KCNC2: variants seen among roughly 807,000 people sequenced by gnomAD.
KCNC2 encodes the protein voltage-gated potassium channel KCNC2.
In KCNC2, 21 loss-of-function variants were observed where a neutral mutation model predicts 44.5. The ratio of observed to expected loss-of-function variants is 0.47; its 90% CI spans 0.33 to 0.68. KCNC2 has a LOEUF of 0.68. KCNC2 is among the 30% of genes least tolerant of loss of function. The probability of loss-of-function intolerance (pLI) is 0.01; values close to 1 mark genes in which losing one functional copy is unlikely to be tolerated. For missense variants in KCNC2, 589 were observed against 826.2 expected (o/e 0.71, Z 3.52); for synonymous variants, 391 against 339.1 (o/e 1.15, Z -1.68).
chr12:75,050,526 TC>T lies in KCNC2; in HGVS notation c.1478del (p.Arg493LysfsTer21). The T allele has an allele frequency of 6.2e-7, 1 of 1,613,654 alleles. No homozygotes were observed. Among genetic ancestry groups the T allele is most frequent in the Non-Finnish European group, 8.5e-7 (1 of 1,179,828 alleles). On this transcript the variant is annotated frameshift_variant, in exon 3 of 5. Transcript: ENST00000549446. LOFTEE classifies it high-confidence loss of function. ...GAGGAGCAGGAGGGATGTGCTTCTT[TC>T]TTTTCCTTGGAAGTTTCTGCTTTGC... Reference protein sequence around the residue: ...AMAKQKLPRKRKKHIPPAPQA... With the variant: ...AMAKQKLPRKXKKHIPPAPQA...
rs267603668 is a variant in KCNC2, at chr12:75,048,257, G to C, written c.1676C>G (p.Pro559Arg). ...GTCTCTGGTACTAGAGCGTCTGATG[G>C]GGAGCCTTTCTGGGGGTGATAGTGG... is the stretch of plus-strand genomic sequence containing the variant. ...EPPLSPPERL[P>R]IRRSSTRDKN... The change falls in exon 4 of 5, where the codon CCC becomes CGC. Residue 559 changes from proline to arginine, a missense_variant. Coordinates refer to ENST00000549446, the MANE Select transcript of KCNC2 (RefSeq NM_139137.4). The C allele has an allele frequency of 5.0e-6, 8 of 1,612,894 alleles. No individual in the cohort carries two copies. The highest frequency in any genetic ancestry group is 1.7e-4 in the Middle Eastern group (1 of 6,052).
intron 2 of KCNC2, among the ~76,000 whole-genome samples, chr12:75,110,420 C>T (rs1355898293): frequency 1.3e-5 from 2 of 152,082 alleles, no homozygotes; most frequent in Non-Finnish European, 2.9e-5. Context: ...AAGAACCCAT[C>T]CCCAGATGAG....
chr12:75,192,293 G>C (rs899529123), intron 2 of KCNC2, among the ~76,000 whole-genome samples: 1 of 152,158 alleles, frequency 6.6e-6, no homozygotes, highest in Non-Finnish European at 1.5e-5. Flanking sequence ...TGAAGGCCTC[G>C]TTTCCCTGTA....
At chr12:75,187,527 G>A (rs1296894650) in intron 2 of KCNC2, among the ~76,000 whole-genome samples, 1 of 152,022 alleles carries the variant, frequency 6.6e-6, no homozygotes, top group Non-Finnish European at 1.5e-5. Context: ...TGAATTATGC[G>A]GAGCTTACAG....
At chr12:75,160,693 T>A (rs1592997749) in intron 2 of KCNC2, among the ~76,000 whole-genome samples, 2 of 151,828 alleles carry the variant, frequency 1.3e-5, no homozygotes, top group East Asian at 3.9e-4. Context: ...ATGTTGTGGA[T>A]GTGCATTGAT....
intron 2 of KCNC2, among the ~76,000 whole-genome samples, chr12:75,090,993 T>C (rs1885423915): frequency 6.6e-6 from 1 of 151,760 alleles, no homozygotes; most frequent in South Asian, 2.1e-4. Flanking sequence ...ACCTTCTCAT[T>C]ACCTCTAAAA....
chr12:75,141,953 C>T (rs974737782), intron 2 of KCNC2, among the ~76,000 whole-genome samples: 3 of 152,138 alleles, frequency 2.0e-5, no homozygotes, highest in African/African-American at 7.2e-5. Context: ...AGTATTCACT[C>T]ATTCTGTACT....
At chr12:75,103,871 T>G (rs553296244) in intron 2 of KCNC2, among the ~76,000 whole-genome samples, 2 of 152,320 alleles carry the variant, frequency 1.3e-5, no homozygotes, top group East Asian at 3.9e-4. Context: ...TGAAATGGTC[T>G]CTCTCAAAAT....
intron 2 of KCNC2, among the ~76,000 whole-genome samples, chr12:75,061,795 C>A (rs561614659): frequency 2.0e-3 from 311 of 152,126 alleles, no homozygotes; most frequent in Non-Finnish European, 2.3e-3. Flanking sequence ...AGCAAGCCAT[C>A]ATAACTACAT....
At position 75,040,749 on chromosome 12, in the gene KCNC2, A is replaced by C. The variant is rs200432849; in HGVS notation, c.*2356T>G. 3 of 183,460 alleles carry C rather than the reference A, an allele frequency of 1.6e-5. No homozygotes were observed. The highest frequency in any genetic ancestry group is 3.4e-5 in the Non-Finnish European group (3 of 87,304). The allele number at this position is 183,460 out of a possible 1,614,324, so 11.4% of individuals were successfully genotyped here. On this transcript the variant is annotated 3_prime_UTR_variant, in exon 5 of 5. Coordinates refer to ENST00000549446, the MANE Select transcript of KCNC2 (RefSeq NM_139137.4). ...AGTTCATAGATTCAACCAAAGAAGTAGAAATAAGGGAAATTAAGACAAAAC... is the reference window on the plus strand; with the variant it reads ...AGTTCATAGATTCAACCAAAGAAGTCGAAATAAGGGAAATTAAGACAAAAC...
chr12:75,044,372 T>G (rs1180381183), intron 4 of KCNC2: 11 of 152,094 alleles, frequency 7.2e-5, no homozygotes, highest in African/African-American at 2.6e-4. Flanking sequence ...TTGCCTCCCT[T>G]ACACTATATG....
intron 2 of KCNC2, among the ~76,000 whole-genome samples, chr12:75,122,434 A>G (rs1430873845): frequency 2.6e-5 from 4 of 152,226 alleles, no homozygotes; most frequent in Non-Finnish European, 5.9e-5. Context: ...AAAGCAGCAC[A>G]GAATTGGAGA....
intron 2 of KCNC2, among the ~76,000 whole-genome samples, chr12:75,121,857 A>G (rs1888067367): frequency 6.6e-6 from 1 of 152,170 alleles, no homozygotes; most frequent in African/African-American, 2.4e-5. Flanking sequence ...TACAGAAAAG[A>G]AAAGTGAGGC....
At chr12:75,067,891 A>G (rs1882997607) in intron 2 of KCNC2, among the ~76,000 whole-genome samples, 1 of 151,928 alleles carries the variant, frequency 6.6e-6, no homozygotes, top group Non-Finnish European at 1.5e-5. Context: ...AAAAAAACAT[A>G]CTTTTTTTAT....
At chr12:75,169,687 C>A (rs1426294390) in intron 2 of KCNC2, among the ~76,000 whole-genome samples, 2 of 151,404 alleles carry the variant, frequency 1.3e-5, no homozygotes, top group Non-Finnish European at 3.0e-5. Flanking sequence ...TGTTTTCTTT[C>A]TTTTCTTTCC....
At chr12:75,058,586 C>T (rs1881990445) in intron 2 of KCNC2, among the ~76,000 whole-genome samples, 1 of 152,030 alleles carries the variant, frequency 6.6e-6, no homozygotes, top group Admixed American at 6.6e-5. Context: ...AAGAGATGTT[C>T]TGATCCAGAA....
chr12:75,061,924 A>G (rs1480998032), intron 2 of KCNC2, among the ~76,000 whole-genome samples: 2 of 152,088 alleles, frequency 1.3e-5, no homozygotes, highest in East Asian at 1.9e-4. Flanking sequence ...ACAGTTTTAT[A>G]GGATAAATAA....
intron 2 of KCNC2, among the ~76,000 whole-genome samples, chr12:75,161,354 C>A (rs1209510864): frequency 6.6e-6 from 1 of 151,578 alleles, no homozygotes; most frequent in African/African-American, 2.4e-5. Context: ...TTACTCATAG[C>A]AGCACGGGAA....
At position 75,207,377 on chromosome 12, in the gene KCNC2, C is replaced by A. The variant is rs753790441; in HGVS notation, c.607G>T (p.Gly203Cys). ...EDAAGLGGPD[G>C]KSGRWRRLQP... The stretch of plus-strand genomic sequence containing the variant: ...AGCCTCCTCCAGCGGCCAGATTTGC[C>A]GTCGGGGCCCCCGAGCCCCGCCGCG... Residue 203 changes from glycine to cysteine, a missense_variant, in exon 2 of 5, where the codon GGC becomes TGC. Transcript: ENST00000549446. The surrounding 1 kb of genome is among the most constrained non-coding windows in gnomAD (Gnocchi z 4.1). 3 of 1,579,058 alleles carry A rather than the reference C, an allele frequency of 1.9e-6. No individual in the cohort carries two copies. Among genetic ancestry groups the A allele is most frequent in the African/African-American group, 2.7e-5 (2 of 73,566 alleles).
Sources: allele counts gnomAD v4.1 joint callset (sites outside exome capture counted in the v4.1 genomes callset), GRCh38; gene constraint gnomAD v4.1.1; non-coding constraint Gnocchi (gnomAD v3.1); transcripts MANE v1.5; gene names NCBI Gene and HGNC (gene_info 2026-07-23, HGNC 2026-07-21).